The following SLC44A1 variants were observed in gnomAD, a reference collection of about 807,000 sequenced individuals.
The protein encoded by SLC44A1 is solute carrier family 44 member 1.
A neutral mutation model predicts 79.3 loss-of-function variants in SLC44A1; 26 were observed. The ratio of observed to expected loss-of-function variants is 0.33; its 90% CI spans 0.24 to 0.46. The LOEUF (loss-of-function observed/expected upper bound fraction) is 0.46. SLC44A1 is among the 20% of genes least tolerant of loss of function. The pLI, the probability that SLC44A1 is intolerant of heterozygous loss-of-function variation, is 1.00. For missense variants in SLC44A1, 688 were observed against 798.1 expected (o/e 0.86, Z 1.66); for synonymous variants, 263 against 286.2 (o/e 0.92, Z 0.82).
intron 2 of SLC44A1, among the ~76,000 whole-genome samples, chr9:105,300,976 G>T (rs751122313): frequency 3.3e-5 from 5 of 151,968 alleles, no homozygotes; most frequent in Non-Finnish European, 7.4e-5. Flanking sequence ...CACCGTGTTG[G>T]CCAGGCTGAT....
At chr9:105,303,591 G>C (rs1458139431) in intron 2 of SLC44A1, among the ~76,000 whole-genome samples, 1 of 152,168 alleles carries the variant, frequency 6.6e-6, no homozygotes, top group Admixed American at 6.5e-5. Flanking sequence ...ATACATTGTT[G>C]TTATCACATT....
At chr9:105,376,376 T>C in intron 13 of SLC44A1, among the ~76,000 whole-genome samples, 1 of 91,420 alleles carries the variant, frequency 1.1e-5, no homozygotes, top group South Asian at 3.0e-4. Context: ...CACACACTGC[T>C]TTTTTTTTTT....
chr9:105,434,840 T>G (rs1829443589), intron 15 of SLC44A1, among the ~76,000 whole-genome samples: 1 of 152,188 alleles, frequency 6.6e-6, no homozygotes, highest in South Asian at 2.1e-4. Flanking sequence ...AAATAATATT[T>G]TAAAATTTAA....
At chr9:105,260,066 T>C (rs1429390917) in intron 1 of SLC44A1, among the ~76,000 whole-genome samples, 1 of 152,234 alleles carries the variant, frequency 6.6e-6, no homozygotes, top group East Asian at 1.9e-4. Flanking sequence ...ATGTTTCTTA[T>C]GTAAGAATAT....
intron 3 of SLC44A1, among the ~76,000 whole-genome samples, chr9:105,326,395 G>C (rs1040038088): frequency 6.6e-6 from 1 of 152,102 alleles, no homozygotes; most frequent in Non-Finnish European, 1.5e-5. Context: ...TTACTTTCTT[G>C]CCTCAGTTTA....
At chr9:105,260,677 A>G (rs1207940213) in intron 1 of SLC44A1, among the ~76,000 whole-genome samples, 1 of 152,236 alleles carries the variant, frequency 6.6e-6, no homozygotes, top group Non-Finnish European at 1.5e-5. Flanking sequence ...TAGGTAGGGT[A>G]AATGATTGAC....
At chr9:105,400,358 G>A (rs1242069620), downstream of SLC44A1, among the ~76,000 whole-genome samples, 6 of 148,626 alleles carry the variant, frequency 4.0e-5, no homozygotes, top group Non-Finnish European at 5.9e-5. Context: ...GTGTGGTGGC[G>A]CATGCCTGTA....
chr9:105,433,997 T>C (rs1256468047), intron 15 of SLC44A1, among the ~76,000 whole-genome samples: 1 of 152,140 alleles, frequency 6.6e-6, no homozygotes, highest in Admixed American at 6.6e-5. Flanking sequence ...AGAAGAAAAC[T>C]GTAAATTACT....
At chr9:105,410,959 A>T (rs1288494504) in intron 15 of SLC44A1, among the ~76,000 whole-genome samples, 3 of 152,224 alleles carry the variant, frequency 2.0e-5, no homozygotes, top group African/African-American at 7.2e-5. Context: ...GTATGATTCC[A>T]TGTATATGAA....
intron 3 of SLC44A1, among the ~76,000 whole-genome samples, chr9:105,325,580 C>T (rs1826549042): frequency 6.6e-6 from 1 of 152,094 alleles, no homozygotes. Context: ...GATATGCTAG[C>T]TCACATCTCT....
rs367831807 is a variant in SLC44A1, at chr9:105,279,215, A to G, written c.37-20005A>G. On this transcript the variant is annotated intron_variant, in intron 1 of 15. Coordinates refer to ENST00000374720, the MANE Select transcript of SLC44A1 (RefSeq NM_080546.5). Reference sequence around the variant, plus strand: ...CTCAAAAAAAAAAAAAAAGGTATTCAGTAAGAACAACTTTAAGTTATTTTA... The same window carrying G: ...CTCAAAAAAAAAAAAAAAGGTATTCGGTAAGAACAACTTTAAGTTATTTTA... Among the ~76,000 whole-genome samples the G allele has an allele frequency of 1.8e-4, 28 of 151,896 alleles. No individual in the cohort carries two copies. In the East Asian group the frequency reaches 3.9e-3, roughly 21 times the overall value.
At chr9:105,326,786 G>C (rs189868603) in intron 3 of SLC44A1, among the ~76,000 whole-genome samples, 41 of 152,290 alleles carry the variant, frequency 2.7e-4, no homozygotes, top group African/African-American at 8.2e-4. Context: ...CCAGGGGAAA[G>C]CTACCATTTA....
At chr9:105,316,554 A>G (rs1160557719) in intron 3 of SLC44A1, among the ~76,000 whole-genome samples, 4 of 152,176 alleles carry the variant, frequency 2.6e-5, no homozygotes, top group Non-Finnish European at 2.9e-5. Flanking sequence ...TAAGTTTTCT[A>G]TAATCGATAT....
chr9:105,429,047 C>T (rs1000921675), intron 15 of SLC44A1, among the ~76,000 whole-genome samples: 3 of 152,134 alleles, frequency 2.0e-5, no homozygotes, highest in Admixed American at 1.3e-4. Context: ...TTGAATGGTG[C>T]AGGAATACTC....
At chr9:105,254,350 T>C in intron 1 of SLC44A1, among the ~76,000 whole-genome samples, 1 of 152,128 alleles carries the variant, frequency 6.6e-6, no homozygotes, top group East Asian at 1.9e-4. Context: ...TGCACACTTA[T>C]CCCTAAACAA....
At chr9:105,430,191 C>T (rs1385404063) in intron 15 of SLC44A1, among the ~76,000 whole-genome samples, 1 of 152,168 alleles carries the variant, frequency 6.6e-6, no homozygotes, top group Non-Finnish European at 1.5e-5. Flanking sequence ...CCACGCCTGG[C>T]CTAATTATAG....
intron 1 of SLC44A1, among the ~76,000 whole-genome samples, chr9:105,265,273 C>T (rs1829935263): frequency 6.6e-6 from 1 of 152,200 alleles, no homozygotes; most frequent in Admixed American, 6.5e-5. Context: ...TTCTCACTTC[C>T]AAAAATTCCC....
chr9:105,422,399 C>T (rs1223679613), intron 15 of SLC44A1, among the ~76,000 whole-genome samples: 3 of 151,178 alleles, frequency 2.0e-5, no homozygotes, highest in African/African-American at 7.3e-5. Flanking sequence ...AGCAATTCTC[C>T]TGCCTCAGCC....
At chr9:105,252,395 A>G (rs947054267) in intron 1 of SLC44A1, among the ~76,000 whole-genome samples, 1 of 152,250 alleles carries the variant, frequency 6.6e-6, no homozygotes, top group Non-Finnish European at 1.5e-5. Flanking sequence ...CTCCATGGAT[A>G]GAGGTGATTG....
Sources: allele counts gnomAD v4.1 joint callset (sites outside exome capture counted in the v4.1 genomes callset), GRCh38; gene constraint gnomAD v4.1.1; transcripts MANE v1.5; gene names NCBI Gene and HGNC (gene_info 2026-07-23, HGNC 2026-07-21).